The following KCNK5 variants were observed in gnomAD, a reference collection of about 807,000 sequenced individuals.
KCNK5 encodes potassium channel subfamily K member 5.
In KCNK5, 18 loss-of-function variants were observed where a neutral mutation model predicts 32.9. The ratio of observed to expected loss-of-function variants is 0.55; its 90% confidence interval spans 0.38 to 0.81. The LOEUF (loss-of-function observed/expected upper bound fraction) is 0.81, where lower values mean the gene tolerates loss of function less well. KCNK5 is among the 30% of genes least tolerant of loss of function. The pLI is 0.00. For missense variants in KCNK5, 507 were observed against 651.0 expected, an observed-to-expected ratio of 0.78 and a Z score of 2.41; for synonymous variants, 276 against 275.3, an observed-to-expected ratio of 1.00 and a Z score of -0.03.
intron 1 of KCNK5, among the ~76,000 whole-genome samples, chr6:39,206,230 C>A (rs557889231): frequency 6.6e-6 from 1 of 152,344 alleles, no homozygotes; most frequent in Admixed American, 6.5e-5. Context: ...GAAACACCAA[C>A]CAAAGCACAG....
intron 1 of KCNK5, among the ~76,000 whole-genome samples, chr6:39,208,133 G>A (rs1771261750): frequency 6.6e-6 from 1 of 152,162 alleles, no homozygotes; most frequent in Admixed American, 6.5e-5. Context: ...CTTGAGGGCT[G>A]AGGTTCTGAT....
At chr6:39,199,489 G>A (rs1372831226) in intron 1 of KCNK5, among the ~76,000 whole-genome samples, 1 of 152,208 alleles carries the variant, frequency 6.6e-6, no homozygotes, top group Non-Finnish European at 1.5e-5. Context: ...CAAGGGGCGG[G>A]CAAAGGAGGC....
At chr6:39,198,354 C>G (rs1011157790) in intron 1 of KCNK5, among the ~76,000 whole-genome samples, 1 of 152,134 alleles carries the variant, frequency 6.6e-6, no homozygotes, top group Non-Finnish European at 1.5e-5. Context: ...TATTTTAAAC[C>G]ACAGCACAGT....
chr6:39,206,543 G>A (rs1446965627), intron 1 of KCNK5, among the ~76,000 whole-genome samples: 2 of 152,170 alleles, frequency 1.3e-5, no homozygotes, highest in East Asian at 1.9e-4. Context: ...TGAGGGAGGT[G>A]CAGTTCCCGG....
intron 1 of KCNK5, among the ~76,000 whole-genome samples, chr6:39,221,806 C>A (rs763253445): frequency 2.6e-5 from 4 of 152,100 alleles, no homozygotes; most frequent in Admixed American, 2.6e-4. Flanking sequence ...GAAAATGAAT[C>A]CCCCCAGCCC....
chr6:39,206,781 T>C (rs368426367), intron 1 of KCNK5, among the ~76,000 whole-genome samples: 1 of 152,186 alleles, frequency 6.6e-6, no homozygotes, highest in Admixed American at 6.5e-5. Flanking sequence ...ATCACCTCTC[T>C]GAGCTTAACA....
At chr6:39,196,599 T>C (rs1339810932) in intron 1 of KCNK5, among the ~76,000 whole-genome samples, 2 of 152,178 alleles carry the variant, frequency 1.3e-5, no homozygotes, top group African/African-American at 2.4e-5. Flanking sequence ...CCCTGTTGAC[T>C]TGTCCTCGGA....
At chr6:39,195,574 G>T (rs1771015572) in intron 2 of KCNK5, among the ~76,000 whole-genome samples, 1 of 152,204 alleles carries the variant, frequency 6.6e-6, no homozygotes. Flanking sequence ...CACCCAGCTT[G>T]GTAAGTAGTC....
chr6:39,192,785 C>A (rs1206803360), intron 4 of KCNK5, among the ~76,000 whole-genome samples: 4 of 152,260 alleles, frequency 2.6e-5, no homozygotes, highest in Admixed American at 1.3e-4. Flanking sequence ...TTTGAAATGT[C>A]GTTGACGACT....
At chr6:39,226,415 GA>G (rs1156877469) in intron 1 of KCNK5, among the ~76,000 whole-genome samples, 2 of 152,158 alleles carry the variant, frequency 1.3e-5, no homozygotes, top group Non-Finnish European at 2.9e-5. Context: ...TATTTCTAAA[GA>G]AAGTTGACTT....
At chr6:39,200,259 A>T (rs1771115256) in intron 1 of KCNK5, among the ~76,000 whole-genome samples, 1 of 152,124 alleles carries the variant, frequency 6.6e-6, no homozygotes, top group African/African-American at 2.4e-5. Flanking sequence ...AAGCCTGGAG[A>T]GTAATGGGAA....
At chr6:39,205,306 GC>G (rs1273920692) in intron 1 of KCNK5, among the ~76,000 whole-genome samples, 3 of 152,154 alleles carry the variant, frequency 2.0e-5, no homozygotes, top group Non-Finnish European at 2.9e-5. Flanking sequence ...TGAGAAGTGG[GC>G]CTGGGGAGCA....
chr6:39,209,266 A>G (rs932780271), intron 1 of KCNK5, among the ~76,000 whole-genome samples: 4 of 152,232 alleles, frequency 2.6e-5, no homozygotes, highest in African/African-American at 7.2e-5. Flanking sequence ...AAGAAGAGGG[A>G]GCCTATACAT....
At position 39,191,466 on chromosome 6, in the gene KCNK5, G is replaced by C; in HGVS notation, c.924C>G (p.Ile308Met). 3 of 1,612,310 alleles carry C rather than the reference G, an allele frequency of 1.9e-6. No homozygotes were observed. Among genetic ancestry groups the C allele is most frequent in the Non-Finnish European group, 2.5e-6 (3 of 1,179,366 alleles). The change falls in exon 5 of 5, where the codon ATC becomes ATG. Residue 308 changes from isoleucine (I) to methionine (M), a missense_variant. Physicochemically the swap from Ile to Met is conservative, Grantham distance 10. Coordinates refer to ENST00000359534, the MANE Select transcript of KCNK5 (RefSeq NM_003740.4). This position sits in a 1 kb window ranked among gnomAD's most constrained non-coding sequence, Gnocchi z 5.8. Reference sequence around the variant, plus strand: ...CGCTTGTCTTCATGGCCTTCTTCCCGATCTGCTTGATGAGGTCGTTGTAGG... The same window carrying C: ...CGCTTGTCTTCATGGCCTTCTTCCCCATCTGCTTGATGAGGTCGTTGTAGG... ...EETYNDLIKQ[I>M]GKKAMKTSGG... is the part of the protein sequence containing the mutation.
intron 1 of KCNK5, among the ~76,000 whole-genome samples, chr6:39,227,025 T>C (rs985797321): frequency 1.3e-5 from 2 of 152,144 alleles, no homozygotes; most frequent in Non-Finnish European, 2.9e-5. Context: ...AAGAGGCATT[T>C]TGTTTGTTCA....
rs979895913 is a variant in KCNK5 at position 39,229,256 on chromosome 6, C to G, written c.-145G>C. 22 of 872,344 alleles carry G rather than the reference C, an allele frequency of 2.5e-5. No individual in the cohort carries two copies. The South Asian group carries it at 2.8e-4, about 11-fold the overall frequency. The allele number at this position is 872,344 out of a possible 1,614,324, so 54.0% of individuals were successfully genotyped here. A position where few individuals can be genotyped will look rare whatever the true frequency, so the allele number is the denominator to read the frequency against. ...CGGTACTCACCCCCCGCAAGCACCGCTCCCCGGACAGAGTTGCTTGGCCAA... is the reference window on the plus strand; with the variant it reads ...CGGTACTCACCCCCCGCAAGCACCGGTCCCCGGACAGAGTTGCTTGGCCAA... On this transcript the variant is annotated 5_prime_UTR_variant, in exon 1 of 5. Transcript: ENST00000359534.
rs1770987286 is a variant in KCNK5, at chr6:39,194,161, G to A, written c.634+8C>T. ...AAAAAGAGGTGGGAGGCAGAGGCAG[G>A]GACTCACCGGCCACAAAGTCACCGA... On this transcript the variant is annotated splice_region_variant and intron_variant, in intron 4 of 4. Coordinates refer to ENST00000359534, the MANE Select transcript of KCNK5 (RefSeq NM_003740.4). This position sits in a 1 kb window ranked among gnomAD's most constrained non-coding sequence, Gnocchi z 4.7. The A allele has an allele frequency of 6.2e-7, 1 of 1,614,044 alleles. No individual in the cohort carries two copies. Among genetic ancestry groups the A allele is most frequent in the East Asian group, 2.2e-5 (1 of 44,870 alleles).
At position 39,229,202 on chromosome 6, in the gene KCNK5, T is replaced by C; in HGVS notation, c.-91A>G. 1 of 1,339,884 alleles carries C rather than the reference T, an allele frequency of 7.5e-7. No individual in the cohort carries two copies. The highest frequency in any genetic ancestry group is 1.0e-6 in the Non-Finnish European group (1 of 970,296). The allele number at this position is 1,339,884 out of a possible 1,614,324, so 83.0% of individuals were successfully genotyped here. ...CCTCCAGCCTCTGAAAACAGCTGTT[T>C]GAATTTGGAGCTCCGCATGCGCAGT... is the stretch of plus-strand genomic sequence containing the variant. On this transcript the variant is annotated 5_prime_UTR_variant, in exon 1 of 5. Transcript: ENST00000359534.
In KCNK5 at chr6:39,191,652, C is replaced by T. The variant is rs776821252; in HGVS notation, c.738G>A (p.Val246=). The T allele has an allele frequency of 1.9e-6, 3 of 1,613,994 alleles. No individual in the cohort carries two copies. The South Asian group carries it at 3.3e-5, about 18-fold the overall frequency. ...AWLSLFVNWK[V]SMFVEVHKAI... ...CTTTGTGGACTTCCACAAACATGCTCACCTTCCAGTTGACAAAAAGGGACA... is the reference window on the plus strand; with the variant it reads ...CTTTGTGGACTTCCACAAACATGCTTACCTTCCAGTTGACAAAAAGGGACA... Residue 246 remains valine (V), a synonymous_variant, in exon 5 of 5, where the codon GTG becomes GTA. Transcript: ENST00000359534. The surrounding 1 kb of genome is among the most constrained non-coding windows in gnomAD (Gnocchi z 5.8).
Sources: gnomAD v4.1 joint callset for allele counts (sites outside exome capture counted in the v4.1 genomes callset) on GRCh38, gnomAD v4.1.1 for gene constraint, Gnocchi (gnomAD v3.1) non-coding constraint, MANE v1.5 for transcripts, NCBI Gene and HGNC (gene_info 2026-07-23, HGNC 2026-07-21) for gene names.